BCAR3: variants seen among roughly 807,000 people sequenced by gnomAD.
The protein encoded by BCAR3 is breast cancer anti-estrogen resistance protein 3.
A neutral mutation model predicts 80.1 loss-of-function variants in BCAR3; 37 were observed. The observed-to-expected ratio is 0.46, with a 90% CI of 0.36 to 0.61. The LOEUF is 0.61. BCAR3 is among the 20% of genes least tolerant of loss of function. The probability of loss-of-function intolerance (pLI) is 0.00; values close to 1 mark genes in which losing one functional copy is unlikely to be tolerated. For missense variants in BCAR3, 978 were observed against 1,068.2 expected (o/e 0.92, Z 1.18); for synonymous variants, 389 against 418.9 (o/e 0.93, Z 0.87).
At chr1:93,770,621 G>C (rs777612801) in intron 2 of BCAR3, among the ~76,000 whole-genome samples, 1 of 152,136 alleles carries the variant, frequency 6.6e-6, no homozygotes, top group Non-Finnish European at 1.5e-5. Flanking sequence ...ACATACAGAG[G>C]GGGTGGGTAG....
At chr1:93,802,971 T>C (rs866700878) in intron 2 of BCAR3, among the ~76,000 whole-genome samples, 2 of 152,200 alleles carry the variant, frequency 1.3e-5, no homozygotes, top group Non-Finnish European at 2.9e-5. Context: ...GCTTATGAAC[T>C]TCACTTCTCA....
At chr1:93,780,884 C>T (rs958953929) in intron 2 of BCAR3, among the ~76,000 whole-genome samples, 1 of 152,186 alleles carries the variant, frequency 6.6e-6, no homozygotes, top group African/African-American at 2.4e-5. Flanking sequence ...TCATTTTAAT[C>T]TCAAAACAGC....
intron 8 of BCAR3, among the ~76,000 whole-genome samples, chr1:93,574,049 C>G (rs1345304605): frequency 1.3e-5 from 2 of 152,182 alleles, no homozygotes; most frequent in Admixed American, 1.3e-4. Context: ...TCAATTGATT[C>G]TTTATTCAGT....
chr1:93,667,603 G>T (rs2101938767), intron 2 of BCAR3, among the ~76,000 whole-genome samples: 1 of 152,294 alleles, frequency 6.6e-6, no homozygotes, highest in Non-Finnish European at 1.5e-5. Context: ...AGATCACACT[G>T]CATAAAAGCT....
chr1:93,620,274 T>A (rs535939844), intron 3 of BCAR3, among the ~76,000 whole-genome samples: 25 of 152,350 alleles, frequency 1.6e-4, no homozygotes, highest in Admixed American at 5.2e-4. Flanking sequence ...TTAAAATATA[T>A]GTTACTCATT....
chr1:93,574,756 AG>A (rs575567990), intron 8 of BCAR3, among the ~76,000 whole-genome samples: 27 of 152,306 alleles, frequency 1.8e-4, no homozygotes, highest in Non-Finnish European at 5.9e-5. Context: ...GGAGGGAAAA[AG>A]GGGACACCCG....
At chr1:93,642,900 T>C (rs908544757) in intron 2 of BCAR3, among the ~76,000 whole-genome samples, 7 of 152,180 alleles carry the variant, frequency 4.6e-5, no homozygotes, top group Non-Finnish European at 1.0e-4. Flanking sequence ...ATCTCAGCAA[T>C]TCATCCTACT....
intron 2 of BCAR3, chr1:93,753,379 G>A (rs1258169283): frequency 6.6e-6 from 1 of 152,220 alleles, no homozygotes; most frequent in African/African-American, 2.4e-5. Flanking sequence ...TGGATGGGAT[G>A]TCTCGCTGGC....
chr1:93,609,862 C>A (rs978656210), intron 3 of BCAR3, among the ~76,000 whole-genome samples: 2 of 152,196 alleles, frequency 1.3e-5, no homozygotes, highest in African/African-American at 4.8e-5. Flanking sequence ...ACTAATTCAC[C>A]AGACTCAGCA....
chr1:93,661,649 G>A (rs899196829), intron 2 of BCAR3, among the ~76,000 whole-genome samples: 9 of 151,362 alleles, frequency 5.9e-5, no homozygotes, highest in Admixed American at 2.0e-4. Context: ...CACCACACCC[G>A]GCTAAATTTT....
chr1:93,817,952 G>A (rs913163860), intron 2 of BCAR3, among the ~76,000 whole-genome samples: 5 of 151,936 alleles, frequency 3.3e-5, no homozygotes, highest in African/African-American at 7.3e-5. Context: ...TTTGCTCCCC[G>A]CCGCCCCACA....
intron 2 of BCAR3, among the ~76,000 whole-genome samples, chr1:93,663,271 C>A (rs577815196): frequency 1.1e-4 from 17 of 152,296 alleles, no homozygotes; most frequent in African/African-American, 4.1e-4. Flanking sequence ...TTTCACAATC[C>A]TCTTTTCACT....
At position 93,618,516 on chromosome 1, in the gene BCAR3, T is replaced by A. The variant is rs577254690; in HGVS notation, c.357+23788A>T. Among the ~76,000 whole-genome samples the A allele has an allele frequency of 5.9e-5, 9 of 152,374 alleles. No individual in the cohort carries two copies. In the East Asian group the frequency reaches 1.3e-3, roughly 23 times the overall value. ...TTTCTCTAACTAGCTATTAAAATTG[T>A]ATAACTGAGTAATGCGAAGCAAAAT... On this transcript the variant is annotated intron_variant, in intron 3 of 11. Transcript: ENST00000260502.
chr1:93,771,448 A>G (rs1355897766), intron 2 of BCAR3, among the ~76,000 whole-genome samples: 1 of 152,208 alleles, frequency 6.6e-6, no homozygotes, highest in African/African-American at 2.4e-5. Flanking sequence ...GTTTCCTATT[A>G]AGACTCTGCC....
chr1:93,829,642 C>T (rs990547691), intron 2 of BCAR3, among the ~76,000 whole-genome samples: 2 of 152,156 alleles, frequency 1.3e-5, no homozygotes, highest in East Asian at 1.9e-4. Context: ...CGAGCCACCA[C>T]GCCTGGCCTA....
chr1:93,812,823 T>C (rs1340185394), intron 2 of BCAR3, among the ~76,000 whole-genome samples: 2 of 152,174 alleles, frequency 1.3e-5, no homozygotes, highest in Non-Finnish European at 2.9e-5. Context: ...GAAATGTAAA[T>C]TCTCTACCCC....
chr1:93,757,470 G>C (rs1424065312), intron 2 of BCAR3, among the ~76,000 whole-genome samples: 1 of 152,250 alleles, frequency 6.6e-6, no homozygotes, highest in Non-Finnish European at 1.5e-5. Flanking sequence ...AGGGAAGTTT[G>C]CCTAGGCAAC....
Position 93,653,695 on chromosome 1 carries a change from C to T in BCAR3, c.318-11352G>A, listed in dbSNP as rs142714500. Among the ~76,000 whole-genome samples, 6 of 152,276 alleles carry T rather than the reference C, an allele frequency of 3.9e-5. No homozygotes were observed. The East Asian group carries it at 1.2e-3, about 29-fold the overall frequency. ...AAAGCTCAGGTTGGCGAGAAGGTGC[C>T]AGTGGGTGGGAAACACTGTGGAGAG... On this transcript the variant is annotated intron_variant, in intron 2 of 11. Coordinates refer to ENST00000260502, the MANE Select transcript of BCAR3 (RefSeq NM_003567.4).
intron 2 of BCAR3, among the ~76,000 whole-genome samples, chr1:93,657,363 C>T (rs112488710): frequency 6.6e-6 from 1 of 152,216 alleles, no homozygotes; most frequent in African/African-American, 2.4e-5. Flanking sequence ...TACTATATAG[C>T]AAATTCTTCC....
Sources: gnomAD v4.1 joint callset for allele counts (sites outside exome capture counted in the v4.1 genomes callset) on GRCh38, gnomAD v4.1.1 for gene constraint, MANE v1.5 for transcripts, NCBI Gene and HGNC (gene_info 2026-07-23, HGNC 2026-07-21) for gene names.